CSGALNACT1: variants seen among roughly 807,000 people sequenced by gnomAD.
CSGALNACT1 encodes the protein beta4GalNAcT-1.
Under a neutral mutation model 51.0 loss-of-function variants are expected in CSGALNACT1, and 52 were observed. That is an observed-to-expected ratio of 1.02 (90% confidence interval 0.82 to 1.29). The LOEUF (loss-of-function observed/expected upper bound fraction) is 1.29. Among genes scored for constraint, CSGALNACT1 ranks in the 50% most tolerant of loss-of-function variants. The probability of loss-of-function intolerance (pLI) is 0.00; values close to 1 mark genes in which losing one functional copy is unlikely to be tolerated. For synonymous variants in CSGALNACT1, 341 were observed against 254.4 expected (o/e 1.34, Z -3.24); for missense variants, 935 against 679.2 (o/e 1.38, Z -4.19).
In CSGALNACT1 at chr8:19,561,301, A is replaced by G. The variant is rs537637397; in HGVS notation, c.-297+29859T>C. Among the ~76,000 whole-genome samples the G allele has an allele frequency of 2.0e-5, 3 of 152,294 alleles. No homozygotes were observed. In the East Asian group the frequency reaches 5.8e-4, roughly 29 times the overall value. On this transcript the variant is annotated intron_variant, in intron 3 of 9. Transcript: ENST00000454498. ...TTATGGTTTATGAACATTTTTGTAC[A>G]TATTTTTGGTCTTATAATGAAAATG...
chr8:19,552,773 G>T (rs934183658), intron 3 of CSGALNACT1, among the ~76,000 whole-genome samples: 1 of 152,184 alleles, frequency 6.6e-6, no homozygotes, highest in Non-Finnish European at 1.5e-5. Flanking sequence ...GTCATGAAAA[G>T]AAAGTCTAAC....
intron 4 of CSGALNACT1, among the ~76,000 whole-genome samples, chr8:19,491,615 G>T (rs548961420): frequency 6.6e-6 from 1 of 152,126 alleles, no homozygotes; most frequent in Non-Finnish European, 1.5e-5. Flanking sequence ...TCAGATATCT[G>T]TATCTCTTTT....
chr8:19,458,427 T>G (rs754069916), exon 5 of CSGALNACT1: 1 of 1,613,788 alleles, frequency 6.2e-7, no homozygotes, highest in East Asian at 2.2e-5. Context: ...CAAACCAACC[T>G]GAAATTCTGC....
At chr8:19,435,112 G>A (rs549414081) in intron 6 of CSGALNACT1, among the ~76,000 whole-genome samples, 2 of 152,160 alleles carry the variant, frequency 1.3e-5, no homozygotes, top group South Asian at 2.1e-4. Flanking sequence ...ATGCTTTCAT[G>A]TCCTTGCTCC....
chr8:19,587,789 C>G (rs1481514264), intron 3 of CSGALNACT1: 1 of 152,216 alleles, frequency 6.6e-6, no homozygotes, highest in Non-Finnish European at 1.5e-5. Flanking sequence ...CTTTCTTCTT[C>G]TTGTTTCTCC....
At chr8:19,674,844 A>T (rs951364068) in intron 1 of CSGALNACT1, among the ~76,000 whole-genome samples, 4 of 152,188 alleles carry the variant, frequency 2.6e-5, no homozygotes, top group Non-Finnish European at 4.4e-5. Context: ...AAAAAAAATC[A>T]TAAGTAGCTA....
intron 3 of CSGALNACT1, among the ~76,000 whole-genome samples, chr8:19,571,474 A>C (rs1397898092): frequency 1.6e-5 from 2 of 123,978 alleles, no homozygotes; most frequent in Middle Eastern, 4.1e-3. Context: ...AAACAAAAAC[A>C]AAAAAAAAAA....
Position 19,436,278 on chromosome 8 carries a change from A to T in CSGALNACT1, c.953+3552T>A, listed in dbSNP as rs1166937624. 2.0e-5 allele frequency among the ~76,000 whole-genome samples: 3 copies of T among 152,340 alleles called. No homozygotes were observed. In the East Asian group the frequency reaches 5.8e-4, roughly 29 times the overall value. Reference sequence around the variant, plus strand: ...GTGACTATAAATCTTACTACTTTCAACTAACAACTATGGGTTTTAGGAGCG... The same window carrying T: ...GTGACTATAAATCTTACTACTTTCATCTAACAACTATGGGTTTTAGGAGCG... On this transcript the variant is annotated intron_variant, in intron 6 of 9. Coordinates refer to ENST00000454498, the Ensembl canonical transcript of CSGALNACT1.
intron 4 of CSGALNACT1, among the ~76,000 whole-genome samples, chr8:19,482,167 G>A (rs189483532): frequency 1.8e-3 from 278 of 152,278 alleles, no homozygotes; most frequent in African/African-American, 6.0e-3. Context: ...CTAGATCAGC[G>A]CTGGGAAACA....
chr8:19,447,754 A>C (rs1236554910), intron 5 of CSGALNACT1, among the ~76,000 whole-genome samples: 1 of 152,180 alleles, frequency 6.6e-6, no homozygotes, highest in Non-Finnish European at 1.5e-5. Context: ...CTTGTCAGAG[A>C]GGGAGTGTGG....
intron 3 of CSGALNACT1, among the ~76,000 whole-genome samples, chr8:19,523,322 G>C (rs2081082355): frequency 6.6e-6 from 1 of 152,176 alleles, no homozygotes. Context: ...TGAAGTGCAA[G>C]GGCGCGATCA....
At chr8:19,414,535 A>G (rs550337831) in intron 8 of CSGALNACT1, among the ~76,000 whole-genome samples, 3 of 152,210 alleles carry the variant, frequency 2.0e-5, no homozygotes, top group Non-Finnish European at 4.4e-5. Context: ...AGTTTCACTT[A>G]ATATGAATTA....
chr8:19,668,024 G>A (rs2059520017), intron 1 of CSGALNACT1, among the ~76,000 whole-genome samples: 1 of 152,118 alleles, frequency 6.6e-6, no homozygotes, highest in Admixed American at 6.5e-5. Flanking sequence ...AAGCTAGAAA[G>A]TAAGAATATA....
chr8:19,679,463 T>TA (rs1249942368), intron 1 of CSGALNACT1, among the ~76,000 whole-genome samples: 5 of 151,592 alleles, frequency 3.3e-5, no homozygotes, highest in Non-Finnish European at 7.4e-5. Flanking sequence ...CCTCAAAAAA[T>TA]AAAAAATAAA....
chr8:19,565,154 T>C (rs1030771844), intron 3 of CSGALNACT1, among the ~76,000 whole-genome samples: 1 of 152,258 alleles, frequency 6.6e-6, no homozygotes, highest in Non-Finnish European at 1.5e-5. Flanking sequence ...TGTATCACTT[T>C]ACAGACTTTC....
intron 8 of CSGALNACT1, among the ~76,000 whole-genome samples, chr8:19,416,210 G>T (rs1338403575): frequency 6.7e-6 from 1 of 150,316 alleles, no homozygotes; most frequent in Non-Finnish European, 1.5e-5. Context: ...TGCCTCCCGG[G>T]TTTAAGTGAT....
At chr8:19,494,616 G>A (rs1039731058) in intron 4 of CSGALNACT1, among the ~76,000 whole-genome samples, 6 of 152,090 alleles carry the variant, frequency 3.9e-5, no homozygotes, top group African/African-American at 9.7e-5. Context: ...TAACAATCTC[G>A]AAGCACAAAT....
chr8:19,578,087 C>T (rs1313664455), intron 3 of CSGALNACT1, among the ~76,000 whole-genome samples: 1 of 152,212 alleles, frequency 6.6e-6, no homozygotes, highest in African/African-American at 2.4e-5. Context: ...AGATCAGCTG[C>T]AACCTTCGTG....
intron 1 of CSGALNACT1, among the ~76,000 whole-genome samples, chr8:19,739,939 G>A (rs905815636): frequency 2.0e-5 from 3 of 152,222 alleles, no homozygotes; most frequent in Admixed American, 2.0e-4. Context: ...TTCACATCCT[G>A]TAGACCAGCA....
Sources: allele counts gnomAD v4.1 joint callset (sites outside exome capture counted in the v4.1 genomes callset), GRCh38; gene constraint gnomAD v4.1.1; transcripts MANE v1.5; gene names NCBI Gene and HGNC (gene_info 2026-07-23, HGNC 2026-07-21).